ZNF654: variants seen among roughly 807,000 people sequenced by gnomAD.
ZNF654 encodes zinc finger protein 654.
ZNF654 carries 19 observed loss-of-function variants against 95.3 expected under a neutral mutation model. That is an observed-to-expected ratio of 0.20 (90% CI 0.14 to 0.29). The LOEUF is 0.29. ZNF654 is among the 10% of genes least tolerant of loss of function. ZNF654 has a pLI of 1.00. For synonymous variants in ZNF654, 413 were observed against 457.9 expected (o/e 0.90, Z 1.25); for missense variants, 1,046 against 1,341.0 (o/e 0.78, Z 3.44).
At chr3:88,073,890 T>G (rs1488515796) in intron 1 of ZNF654, among the ~76,000 whole-genome samples, 1 of 152,236 alleles carries the variant, frequency 6.6e-6, no homozygotes, top group Non-Finnish European at 1.5e-5. Context: ...AAACTCATAA[T>G]TTATTTTCTC....
At chr3:88,126,746 G>C (rs1157395341) in intron 4 of ZNF654, among the ~76,000 whole-genome samples, 18 of 152,060 alleles carry the variant, frequency 1.2e-4, no homozygotes, top group Non-Finnish European at 2.5e-4. Context: ...GTACAGAGTA[G>C]ATGCTTAATA....
chr3:88,091,842 GCCT>G (rs1708648429), intron 2 of ZNF654, among the ~76,000 whole-genome samples: 1 of 152,166 alleles, frequency 6.6e-6, no homozygotes, highest in South Asian at 2.1e-4. Context: ...TGATTGTGAG[GCCT>G]CCTCAGCCAT....
At chr3:88,127,483 G>C (rs191776778) in intron 4 of ZNF654, among the ~76,000 whole-genome samples, 7 of 152,172 alleles carry the variant, frequency 4.6e-5, no homozygotes, top group African/African-American at 1.7e-4. Flanking sequence ...TGTTGCTGAG[G>C]AGGAAGAGTT....
intron 6 of ZNF654, among the ~76,000 whole-genome samples, chr3:88,133,655 G>A (rs1706597081): frequency 1.3e-5 from 2 of 152,080 alleles, no homozygotes; most frequent in South Asian, 4.1e-4. Context: ...GAGTTCCTGA[G>A]ATTCAAATCC....
At chr3:88,122,429 A>G (rs1028740357) in intron 3 of ZNF654, among the ~76,000 whole-genome samples, 5 of 152,210 alleles carry the variant, frequency 3.3e-5, no homozygotes, top group Non-Finnish European at 5.9e-5. Flanking sequence ...ACTGATCCAT[A>G]GCTTCACAGA....
At chr3:88,118,139 C>T (rs182942846) in intron 3 of ZNF654, among the ~76,000 whole-genome samples, 47 of 152,208 alleles carry the variant, frequency 3.1e-4, no homozygotes, top group African/African-American at 1.1e-3. Context: ...CCTGCCCTGA[C>T]GTTAGAGAAA....
rs947659540 is a variant in ZNF654 at position 88,141,804 on chromosome 3, T to A, written c.*152T>A. The A allele has an allele frequency of 3.8e-6, 2 of 529,146 alleles. No individual in the cohort carries two copies. The highest frequency in any genetic ancestry group is 3.9e-5 in the African/African-American group (2 of 51,662). 32.8% of individuals were successfully genotyped at this position (529,146 alleles called of 1,614,324 possible). A position where few individuals can be genotyped will look rare whatever the true frequency, so the allele number is the denominator to read the frequency against. ...TAAAGACAAAGCACATTTTCTAGAA[T>A]GAACTCACAGAGATGTGCTGGCTTA... On this transcript the variant is annotated 3_prime_UTR_variant, in exon 9 of 9. Transcript: ENST00000636215.
chr3:88,132,021 T>A (rs1298643502), intron 6 of ZNF654, among the ~76,000 whole-genome samples: 2 of 152,138 alleles, frequency 1.3e-5, no homozygotes. Context: ...ATAATAATAA[T>A]AGCTGCAAAT....
At chr3:88,113,247 T>C (rs1235195941) in intron 3 of ZNF654, 51 bp downstream of exon 3, 21 of 1,123,692 alleles carry the variant, frequency 1.9e-5, no homozygotes, top group Non-Finnish European at 2.4e-5. Flanking sequence ...AAATAGACCA[T>C]TATGCTCCCC....
chr3:88,139,681 A>G lies in ZNF654; in HGVS notation c.2012A>G (p.Asp671Gly). The G allele has an allele frequency of 6.2e-7, 1 of 1,600,084 alleles. No homozygotes were observed. Among genetic ancestry groups the G allele is most frequent in the Non-Finnish European group, 8.5e-7 (1 of 1,172,140 alleles). ...GAAATTCCCATAAGTGTACCAGAAG[A>G]TGTTATTGAAAATGTTATTGAAAAT... Reference protein sequence around the residue: ...FIEIPISVPEDVIENVIENGS... With the variant: ...FIEIPISVPEGVIENVIENGS... Residue 671 changes from aspartate (D) to glycine (G), a missense_variant, in exon 8 of 9, where the codon GAT becomes GGT. Asp to Gly is a moderately conservative substitution (Grantham distance 94). Around this residue, in one of 9 missense-constraint regions of ZNF654, gnomAD observed 495 missense variants for 537.0 expected, o/e 0.92. Transcript: ENST00000636215.
rs1707226253 is a variant in ZNF654, at chr3:88,143,595, T to C, written c.*1943T>C. On this transcript the variant is annotated 3_prime_UTR_variant, in exon 9 of 9. Coordinates refer to ENST00000636215, the MANE Select transcript of ZNF654 (RefSeq NM_001350134.2). Reference sequence around the variant, plus strand: ...AATATTTTATCACATTTTCCACAAGTTGTAACAATTGATATAAATCCATGC... The same window carrying C: ...AATATTTTATCACATTTTCCACAAGCTGTAACAATTGATATAAATCCATGC... 1 of 152,274 alleles carries C rather than the reference T, an allele frequency of 6.6e-6. No individual in the cohort carries two copies. Among genetic ancestry groups the C allele is most frequent in the Non-Finnish European group, 1.5e-5 (1 of 67,750 alleles). The allele number at this position is 152,274 out of a possible 1,614,324, so 9.4% of individuals were successfully genotyped here.
At position 88,141,714 on chromosome 3, in the gene ZNF654, A is replaced by C; in HGVS notation, c.*62A>C. ...AGTGTGAAAAAAGCACTATAAGAAA[A>C]TGCATCATCAGTTTGCTATTTCCCT... On this transcript the variant is annotated 3_prime_UTR_variant, in exon 9 of 9. Transcript: ENST00000636215. 7.6e-7 allele frequency: 1 copy of C among 1,313,128 alleles called. No individual in the cohort carries two copies. Among genetic ancestry groups the C allele is most frequent in the Non-Finnish European group, 1.0e-6 (1 of 970,236 alleles). The allele number at this position is 1,313,128 out of a possible 1,614,324, so 81.3% of individuals were successfully genotyped here.
intron 6 of ZNF654, among the ~76,000 whole-genome samples, chr3:88,130,431 A>G (rs565423558): frequency 1.3e-5 from 2 of 151,888 alleles, no homozygotes; most frequent in Non-Finnish European, 2.9e-5. Context: ...TAATACTTCA[A>G]TATTCTTGGT....
rs550812349 is a variant in ZNF654, at chr3:88,091,049, T to G, written c.332+4647T>G. On this transcript the variant is annotated intron_variant, in intron 2 of 8. Transcript: ENST00000636215. ...ACTATTGTTACAGTTGCCTATGGTA[T>G]TCAGTACAGTAGCATGCTATACAGG... 2.6e-5 allele frequency among the ~76,000 whole-genome samples: 4 copies of G among 152,348 alleles called. No homozygotes were observed. The East Asian group carries it at 7.7e-4, about 29-fold the overall frequency.
intron 3 of ZNF654, among the ~76,000 whole-genome samples, chr3:88,122,694 T>G (rs1428908294): frequency 6.6e-6 from 1 of 152,068 alleles, no homozygotes; most frequent in African/African-American, 2.4e-5. Context: ...AATTTATTAT[T>G]TAAGTAAATA....
At chr3:88,075,464 T>C (rs951321606) in intron 1 of ZNF654, among the ~76,000 whole-genome samples, 2 of 152,220 alleles carry the variant, frequency 1.3e-5, no homozygotes, top group African/African-American at 4.8e-5. Context: ...ATAATAACCA[T>C]GGAACAGGTA....
intron 3 of ZNF654, among the ~76,000 whole-genome samples, chr3:88,119,658 A>G (rs1210147389): frequency 6.6e-6 from 1 of 152,048 alleles, no homozygotes; most frequent in Non-Finnish European, 1.5e-5. Flanking sequence ...TGCTAAATCA[A>G]ATTTTATATT....
At chr3:88,097,344 C>T (rs1576267940) in intron 2 of ZNF654, among the ~76,000 whole-genome samples, 1 of 151,666 alleles carries the variant, frequency 6.6e-6, no homozygotes, top group Non-Finnish European at 1.5e-5. Flanking sequence ...AACCAGTTTT[C>T]TCACACCTTT....
chr3:88,071,312 C>A (rs921698870), intron 1 of ZNF654, among the ~76,000 whole-genome samples: 2 of 151,768 alleles, frequency 1.3e-5, no homozygotes, highest in African/African-American at 4.8e-5. Flanking sequence ...GAGTTTGAGA[C>A]CAGCCTGGCC....
Sources: gnomAD v4.1 joint callset for allele counts (sites outside exome capture counted in the v4.1 genomes callset) on GRCh38, gnomAD v4.1.1 for gene constraint, gnomAD v4.1.1 regional missense constraint, MANE v1.5 for transcripts, NCBI Gene and HGNC (gene_info 2026-07-23, HGNC 2026-07-21) for gene names.